CYYR1: variants seen among roughly 807,000 people sequenced by gnomAD.
CYYR1 encodes cysteine and tyrosine-rich protein 1.
Under a neutral mutation model 15.2 loss-of-function variants are expected in CYYR1, and 14 were observed. The observed-to-expected ratio is 0.92, with a 90% CI of 0.61 to 1.44. The LOEUF is 1.44. Ranked by LOEUF, CYYR1 falls within the 40% of genes most tolerant of loss-of-function variation. CYYR1 has a pLI of 0.00. For synonymous variants in CYYR1, 80 were observed against 77.4 expected (o/e 1.03, Z -0.18); for missense variants, 228 against 209.5 (o/e 1.09, Z -0.54).
intron 2 of CYYR1, among the ~76,000 whole-genome samples, chr21:26,539,333 T>C (rs1053609605): frequency 2.6e-5 from 4 of 152,052 alleles, no homozygotes; most frequent in African/African-American, 9.7e-5. Context: ...CAAATCTCTC[T>C]TCAGTGGGGA....
rs566350800 is a variant in CYYR1, at chr21:26,478,247, T to C, written c.334+2025A>G. On this transcript the variant is annotated intron_variant, in intron 3 of 3. Coordinates refer to ENST00000652641, the MANE Select transcript of CYYR1 (RefSeq NM_001320768.2). ...AAAAAGCAGAGCAGCACAAAGAGAA[T>C]TGGGATGCTGTCAGAAGGGACACAT... 3.3e-5 allele frequency: 45 copies of C among 1,384,268 alleles called. No individual in the cohort carries two copies. The Admixed American group carries it at 8.4e-4, about 26-fold the overall frequency. 85.7% of individuals were successfully genotyped at this position (1,384,268 alleles called of 1,614,324 possible).
intron 3 of CYYR1, chr21:26,477,977 C>T (rs2065125088): frequency 6.8e-7 from 1 of 1,477,644 alleles, no homozygotes; most frequent in Non-Finnish European, 9.0e-7. Flanking sequence ...AAAGTCAATT[C>T]CCTAGGGTAT....
intron 3 of CYYR1, among the ~76,000 whole-genome samples, chr21:26,475,985 A>G (rs910341629): frequency 6.6e-6 from 1 of 152,164 alleles, no homozygotes; most frequent in African/African-American, 2.4e-5. Flanking sequence ...ATTCAGTACA[A>G]ACACAGAAGT....
intron 2 of CYYR1, 110 bp from the exon 3 acceptor site, chr21:26,480,539 G>T: frequency 8.5e-7 from 1 of 1,170,690 alleles, no homozygotes; most frequent in Non-Finnish European, 1.2e-6. Context: ...ATGTTCTTAA[G>T]GATAATGTGT....
At chr21:26,530,510 C>T (rs923250528) in intron 2 of CYYR1, among the ~76,000 whole-genome samples, 2 of 151,762 alleles carry the variant, frequency 1.3e-5, no homozygotes, top group East Asian at 1.9e-4. Flanking sequence ...ATGTGCAGAA[C>T]GTGCAGGTTT....
intron 2 of CYYR1, among the ~76,000 whole-genome samples, chr21:26,530,940 A>G (rs10482975): frequency 0.049 from 7,485 of 152,208 alleles, 217 homozygotes; most frequent in Middle Eastern, 0.054. Context: ...TGATGATGCA[A>G]TGTGACTGTT....
intron 2 of CYYR1, chr21:26,482,464 C>T (rs958410265): frequency 2.6e-5 from 26 of 985,134 alleles, no homozygotes; most frequent in South Asian, 1.4e-4. Context: ...CTGGTTGTTC[C>T]GAACCTGGAA....
At chr21:26,556,922 A>G (rs748888580) in intron 2 of CYYR1, among the ~76,000 whole-genome samples, 7 of 152,156 alleles carry the variant, frequency 4.6e-5, no homozygotes, top group Non-Finnish European at 1.0e-4. Flanking sequence ...TCCAAAATAT[A>G]GCGTTTAGGT....
At chr21:26,488,759 C>G (rs896715705) in intron 2 of CYYR1, among the ~76,000 whole-genome samples, 5 of 152,096 alleles carry the variant, frequency 3.3e-5, no homozygotes, top group African/African-American at 9.7e-5. Flanking sequence ...AATGGCTGAG[C>G]TCTAGTCTCC....
chr21:26,490,308 T>A (rs576477925), intron 2 of CYYR1, among the ~76,000 whole-genome samples: 43 of 151,382 alleles, frequency 2.8e-4, no homozygotes, highest in South Asian at 1.3e-3. Flanking sequence ...TCAAAAAATT[T>A]AAAAAAAATA....
At chr21:26,495,160 G>A (rs145185160) in intron 2 of CYYR1, among the ~76,000 whole-genome samples, 76 of 152,246 alleles carry the variant, frequency 5.0e-4, no homozygotes, top group African/African-American at 1.8e-3. Flanking sequence ...GTGGACAGGC[G>A]GAATAAGGAG....
chr21:26,568,971 T>C (rs1038095846), intron 1 of CYYR1: 3 of 152,232 alleles, frequency 2.0e-5, no homozygotes, highest in Non-Finnish European at 4.4e-5. Flanking sequence ...GGAATACTTA[T>C]ACACTGCTAT....
intron 2 of CYYR1, among the ~76,000 whole-genome samples, chr21:26,484,382 A>G (rs1569142307): frequency 6.6e-6 from 1 of 152,170 alleles, no homozygotes; most frequent in Non-Finnish European, 1.5e-5. Flanking sequence ...ATACAAAAAT[A>G]GAATGCCATT....
At chr21:26,513,547 C>T (rs750184823) in intron 2 of CYYR1, among the ~76,000 whole-genome samples, 8 of 152,070 alleles carry the variant, frequency 5.3e-5, no homozygotes, top group Non-Finnish European at 8.8e-5. Context: ...TTGAAAGACA[C>T]AAACCCAGGA....
chr21:26,553,940 CTT>C (rs887908013), intron 2 of CYYR1, among the ~76,000 whole-genome samples: 1 of 152,182 alleles, frequency 6.6e-6, no homozygotes, highest in Non-Finnish European at 1.5e-5. Flanking sequence ...TGATCAATGA[CTT>C]TTTATTTGGC....
At chr21:26,544,666 G>A (rs959695746) in intron 2 of CYYR1, among the ~76,000 whole-genome samples, 43 of 152,190 alleles carry the variant, frequency 2.8e-4, no homozygotes, top group African/African-American at 1.0e-3. Flanking sequence ...GATAATGTCA[G>A]AGGAAAGAGA....
chr21:26,554,338 A>ATT (rs1446731518), intron 2 of CYYR1, among the ~76,000 whole-genome samples: 1 of 152,114 alleles, frequency 6.6e-6, no homozygotes, highest in African/African-American at 2.4e-5. Flanking sequence ...TTATATATGT[A>ATT]ATTTTTTTCT....
At chr21:26,503,056 C>T (rs1019280054) in intron 2 of CYYR1, among the ~76,000 whole-genome samples, 5 of 152,048 alleles carry the variant, frequency 3.3e-5, no homozygotes, top group African/African-American at 1.2e-4. Context: ...TCATGGTGGC[C>T]TTAATGTTAT....
intron 2 of CYYR1, among the ~76,000 whole-genome samples, chr21:26,481,150 T>C (rs766620455): frequency 1.3e-5 from 2 of 152,158 alleles, no homozygotes; most frequent in East Asian, 3.9e-4. Context: ...GGAATATAAT[T>C]TGTAGGTAAC....
Sources: allele counts gnomAD v4.1 joint callset (sites outside exome capture counted in the v4.1 genomes callset), GRCh38; gene constraint gnomAD v4.1.1; transcripts MANE v1.5; gene names NCBI Gene and HGNC (gene_info 2026-07-23, HGNC 2026-07-21).